PRKCA: variants seen among roughly 807,000 people sequenced by gnomAD.
PRKCA encodes protein kinase C alpha.
In PRKCA, 27 loss-of-function variants were observed where a neutral mutation model predicts 87.0. That is an observed-to-expected ratio of 0.31 (90% CI 0.23 to 0.43). The LOEUF (loss-of-function observed/expected upper bound fraction) is 0.43. PRKCA is among the 20% of genes least tolerant of loss of function. PRKCA has a pLI of 1.00. For missense variants in PRKCA, 518 were observed against 852.3 expected (o/e 0.61, Z 4.88); for synonymous variants, 329 against 311.1 (o/e 1.06, Z -0.61).
intron 2 of PRKCA, among the ~76,000 whole-genome samples, chr17:66,413,762 C>T (rs1258711188): frequency 6.6e-6 from 1 of 152,046 alleles, no homozygotes; most frequent in Non-Finnish European, 1.5e-5. Context: ...GTCAGTAATC[C>T]CAGCATTTTG....
chr17:66,493,027 C>G (rs1267364935), intron 2 of PRKCA, among the ~76,000 whole-genome samples: 3 of 152,204 alleles, frequency 2.0e-5, no homozygotes, highest in Admixed American at 1.3e-4. Flanking sequence ...CCACTTGTCA[C>G]CTTTCTGTGG....
At chr17:66,707,894 G>A (rs1379512135) in intron 8 of PRKCA, among the ~76,000 whole-genome samples, 5 of 152,176 alleles carry the variant, frequency 3.3e-5, no homozygotes, top group African/African-American at 7.2e-5. Flanking sequence ...CTCTTGAGAT[G>A]CTGAGTAAGC....
chr17:66,325,807 A>G (rs1182827786), intron 2 of PRKCA, among the ~76,000 whole-genome samples: 2 of 152,216 alleles, frequency 1.3e-5, no homozygotes, highest in Non-Finnish European at 2.9e-5. Context: ...AAGCTTTTGC[A>G]TGCACAACTC....
chr17:66,333,625 G>T (rs188558910), intron 2 of PRKCA, among the ~76,000 whole-genome samples: 2 of 152,104 alleles, frequency 1.3e-5, no homozygotes, highest in South Asian at 2.1e-4. Context: ...CTTGTGAAGG[G>T]GTCTGGGCTA....
intron 3 of PRKCA, among the ~76,000 whole-genome samples, chr17:66,509,178 A>ATGTGTGTGTG (rs35472661): frequency 4.8e-5 from 7 of 147,176 alleles, no homozygotes; most frequent in Non-Finnish European, 7.5e-5. Flanking sequence ...GTGTGTGTGT[A>ATGTGTGTGTG]TGTGTGTGTG....
intron 3 of PRKCA, among the ~76,000 whole-genome samples, chr17:66,561,826 C>T (rs1171304937): frequency 6.6e-6 from 1 of 151,706 alleles, no homozygotes; most frequent in Non-Finnish European, 1.5e-5. Context: ...AGATATTAAA[C>T]GATTATATGA....
At chr17:66,580,311 A>G (rs1969379963) in intron 3 of PRKCA, among the ~76,000 whole-genome samples, 1 of 152,198 alleles carries the variant, frequency 6.6e-6, no homozygotes, top group African/African-American at 2.4e-5. Flanking sequence ...GGTCGCTTTC[A>G]GCAGGCCAAT....
chr17:66,555,210 G>A (rs1341477714), intron 3 of PRKCA, among the ~76,000 whole-genome samples: 3 of 152,182 alleles, frequency 2.0e-5, no homozygotes, highest in East Asian at 1.9e-4. Flanking sequence ...GGCAGGTATC[G>A]TATCTTTCTG....
At chr17:66,625,787 T>C (rs916823677) in intron 3 of PRKCA, among the ~76,000 whole-genome samples, 1 of 152,224 alleles carries the variant, frequency 6.6e-6, no homozygotes, top group African/African-American at 2.4e-5. Context: ...GGCCCGTTAA[T>C]TGAGTTAGAG....
chr17:66,732,584 C>T, intron 8 of PRKCA, 104 bp from the exon 9 acceptor site: 1 of 1,413,912 alleles, frequency 7.1e-7, no homozygotes, highest in Non-Finnish European at 9.9e-7. Flanking sequence ...CTCACCCCAT[C>T]CCACCTCCAA....
At chr17:66,549,141 G>GT (rs538579897) in intron 3 of PRKCA, among the ~76,000 whole-genome samples, 17,870 of 138,540 alleles carry the variant, frequency 0.13, 1,137 homozygotes, top group East Asian at 0.2. Context: ...GTTTATGGCA[G>GT]TTTTTTTTTT....
chr17:66,637,597 A>G (rs1039411354), intron 3 of PRKCA, among the ~76,000 whole-genome samples: 1 of 152,190 alleles, frequency 6.6e-6, no homozygotes, highest in African/African-American at 2.4e-5. Flanking sequence ...CCTGAGAGAA[A>G]CATTTAGGAG....
chr17:66,671,020 G>A (rs1598860648), intron 5 of PRKCA, among the ~76,000 whole-genome samples: 2 of 151,496 alleles, frequency 1.3e-5, no homozygotes, highest in Middle Eastern at 6.8e-3. Flanking sequence ...GACCAGTCTG[G>A]CCAACCTAGC....
chr17:66,587,887 G>GTATATATATATATA (rs1371398205), intron 3 of PRKCA, among the ~76,000 whole-genome samples: 1 of 99,012 alleles, frequency 1.0e-5, no homozygotes, highest in African/African-American at 4.8e-5. Flanking sequence ...GTGTGTGTGT[G>GTATATATATATATA]TGTGTGTGTA....
At chr17:66,466,480 G>A (rs1915093462) in intron 2 of PRKCA, among the ~76,000 whole-genome samples, 3 of 152,156 alleles carry the variant, frequency 2.0e-5, no homozygotes, top group Admixed American at 1.3e-4. Context: ...TCTGCAAAGT[G>A]GTTCCCACTG....
chr17:66,498,165 T>C (rs1385966211), intron 3 of PRKCA, among the ~76,000 whole-genome samples: 2 of 121,360 alleles, frequency 1.6e-5, no homozygotes, highest in Admixed American at 1.8e-4. Flanking sequence ...CCCCGGCCAC[T>C]TTCCATACTT....
At chr17:66,518,273 A>C (rs1042524067) in intron 3 of PRKCA, among the ~76,000 whole-genome samples, 1 of 152,162 alleles carries the variant, frequency 6.6e-6, no homozygotes, top group Non-Finnish European at 1.5e-5. Context: ...GTAGAAAGGA[A>C]AATGTGATGT....
At chr17:66,714,544 C>T (rs1016203298) in intron 8 of PRKCA, among the ~76,000 whole-genome samples, 2 of 152,124 alleles carry the variant, frequency 1.3e-5, no homozygotes, top group African/African-American at 2.4e-5. Flanking sequence ...CTTCCCCCTT[C>T]CTGGAATGGA....
At chr17:66,707,828 C>T (rs1013695082) in intron 8 of PRKCA, among the ~76,000 whole-genome samples, 2 of 152,116 alleles carry the variant, frequency 1.3e-5, no homozygotes, top group African/African-American at 2.4e-5. Flanking sequence ...CCTAGATCAG[C>T]GGGAGTCTGA....
Sources: gnomAD v4.1 joint callset for allele counts (sites outside exome capture counted in the v4.1 genomes callset) on GRCh38, gnomAD v4.1.1 for gene constraint, MANE v1.5 for transcripts, NCBI Gene and HGNC (gene_info 2026-07-23, HGNC 2026-07-21) for gene names.